Variants in FAM222B observed in about 807,000 individuals in gnomAD.
The protein encoded by FAM222B is protein FAM222B.
In FAM222B, 12 loss-of-function variants were observed where a neutral mutation model predicts 38.0. The ratio of observed to expected loss-of-function variants is 0.32; its 90% CI spans 0.20 to 0.51. The LOEUF is 0.51. FAM222B is among the 20% of genes least tolerant of loss of function. FAM222B has a pLI of 0.97. For synonymous variants in FAM222B, 329 were observed against 317.2 expected (o/e 1.04, Z -0.40); for missense variants, 716 against 754.2 (o/e 0.95, Z 0.59).
chr17:28,814,444 T>C (rs1225512049), intron 1 of FAM222B, among the ~76,000 whole-genome samples: 1 of 152,148 alleles, frequency 6.6e-6, no homozygotes, highest in Non-Finnish European at 1.5e-5. Context: ...AGGAGCTGTA[T>C]GACATGCCTG....
At chr17:28,791,408 A>G (rs142974700) in intron 1 of FAM222B, among the ~76,000 whole-genome samples, 1 of 151,818 alleles carries the variant, frequency 6.6e-6, no homozygotes, top group Non-Finnish European at 1.5e-5. Context: ...ATCAACTTCC[A>G]ATTTCTTCTC....
rs565281576 is a variant in FAM222B at position 28,776,442 on chromosome 17, C to A, written c.-40-9735G>T. ...TTCTCATCCATGAGCCAAAGGCTTA[C>A]CTAAAAAGACTTTTTTTTTTTTTTT... On this transcript the variant is annotated intron_variant, in intron 1 of 2. Transcript: ENST00000581407. Among the ~76,000 whole-genome samples, 191 of 145,936 alleles carry A rather than the reference C, an allele frequency of 1.3e-3. 1 individual carries two copies. The highest frequency in any genetic ancestry group is 4.7e-3 in the African/African-American group (187 of 39,610).
At chr17:28,811,343 G>C (rs945588647) in intron 1 of FAM222B, among the ~76,000 whole-genome samples, 5 of 152,208 alleles carry the variant, frequency 3.3e-5, no homozygotes, top group Non-Finnish European at 7.3e-5. Context: ...AGGAGGCTAA[G>C]ACAGGGGAAT....
At chr17:28,831,881 A>T (rs754903649) in intron 1 of FAM222B, among the ~76,000 whole-genome samples, 1 of 152,006 alleles carries the variant, frequency 6.6e-6, no homozygotes, top group Non-Finnish European at 1.5e-5. Flanking sequence ...AGCTTCCTAG[A>T]TTTACTTAAA....
rs751791753 is a variant in FAM222B, at chr17:28,758,433, C to T, written c.1526G>A (p.Ser509Asn). ...TAGGTAATCCACTGTTTGCATCAAG[C>T]TGTTCTGGCTTGCCACTGGACCGCC... Reference protein sequence around the residue: ...TGGGPVASQNSLMQTVDYLSG... With the variant: ...TGGGPVASQNNLMQTVDYLSG... Residue 509 changes from serine to asparagine, a missense_variant, in exon 3 of 3, where the codon AGC becomes AAC. Ser to Asn is a conservative substitution (Grantham distance 46). Transcript: ENST00000581407. 2 of 1,613,846 alleles carry T rather than the reference C, an allele frequency of 1.2e-6. No individual in the cohort carries two copies. Among genetic ancestry groups the T allele is most frequent in the Non-Finnish European group, 1.7e-6 (2 of 1,179,824 alleles).
At chr17:28,849,117 C>T (rs1400634241) in intron 1 of FAM222B, among the ~76,000 whole-genome samples, 5 of 151,856 alleles carry the variant, frequency 3.3e-5, no homozygotes, top group East Asian at 1.9e-4. Context: ...AAAAATTAGC[C>T]GGGCGTGGTG....
chr17:28,829,758 A>C (rs2152608229), intron 1 of FAM222B, among the ~76,000 whole-genome samples: 1 of 152,322 alleles, frequency 6.6e-6, no homozygotes, highest in East Asian at 1.9e-4. Flanking sequence ...TGGTGACTAT[A>C]AATAAAGCTG....
At chr17:28,784,030 C>G (rs2036282652) in intron 1 of FAM222B, among the ~76,000 whole-genome samples, 1 of 151,990 alleles carries the variant, frequency 6.6e-6, no homozygotes, top group African/African-American at 2.4e-5. Context: ...GAACTCTTAA[C>G]CTCAGGTGAT....
At chr17:28,833,415 G>A (rs915222322) in intron 1 of FAM222B, among the ~76,000 whole-genome samples, 34 of 151,336 alleles carry the variant, frequency 2.2e-4, no homozygotes, top group Admixed American at 2.6e-4. Flanking sequence ...TCAGGAGTTC[G>A]AGACTACCCT....
chr17:28,770,546 G>GT (rs2035575143), intron 1 of FAM222B, among the ~76,000 whole-genome samples: 1 of 151,394 alleles, frequency 6.6e-6, no homozygotes, highest in African/African-American at 2.4e-5. Flanking sequence ...GGGATTACAG[G>GT]TATGCACCAC....
At chr17:28,816,005 T>A (rs574916879) in intron 1 of FAM222B, among the ~76,000 whole-genome samples, 15 of 148,738 alleles carry the variant, frequency 1.0e-4, no homozygotes, top group Non-Finnish European at 2.1e-4. Flanking sequence ...GCATGGTAGC[T>A]GACGCCTGTA....
intron 1 of FAM222B, among the ~76,000 whole-genome samples, chr17:28,809,611 A>G (rs966370373): frequency 6.6e-6 from 1 of 152,132 alleles, no homozygotes; most frequent in African/African-American, 2.4e-5. Context: ...TCTCCTGGGA[A>G]AATTCTTTCA....
At chr17:28,782,860 G>A (rs1469709424) in intron 1 of FAM222B, among the ~76,000 whole-genome samples, 2 of 152,056 alleles carry the variant, frequency 1.3e-5, no homozygotes, top group South Asian at 2.1e-4. Flanking sequence ...AAACTCGGCC[G>A]GGCGCGGTGG....
intron 1 of FAM222B, among the ~76,000 whole-genome samples, chr17:28,773,897 C>T (rs752138302): frequency 4.6e-5 from 7 of 152,058 alleles, no homozygotes; most frequent in African/African-American, 1.4e-4. Context: ...GTTTCACTGA[C>T]GTCAAGAATC....
chr17:28,841,673 C>T (rs553221370), intron 1 of FAM222B, among the ~76,000 whole-genome samples: 1 of 152,332 alleles, frequency 6.6e-6, no homozygotes, highest in Admixed American at 6.5e-5. Context: ...TGCACCCGGC[C>T]TTTTCTCAAC....
chr17:28,758,009 T>G lies in FAM222B; in HGVS notation c.*261A>C, dbSNP rs1597825967. 1 of 367,642 alleles carries G rather than the reference T, an allele frequency of 2.7e-6. No individual in the cohort carries two copies. The highest frequency in any genetic ancestry group is 4.9e-6 in the Non-Finnish European group (1 of 203,750). The allele number at this position is 367,642 out of a possible 1,614,324, so 22.8% of individuals were successfully genotyped here. On this transcript the variant is annotated 3_prime_UTR_variant, in exon 3 of 3. Coordinates refer to ENST00000581407, the MANE Select transcript of FAM222B (RefSeq NM_001077498.3). ...GGGAGCTGGCTGGAAATGGCCAAGG[T>G]GGAGAGACTAGCTGACAGGCAGTCA...
At chr17:28,784,844 G>A (rs188788589) in intron 1 of FAM222B, among the ~76,000 whole-genome samples, 6 of 152,098 alleles carry the variant, frequency 3.9e-5, no homozygotes, top group East Asian at 1.9e-4. Context: ...TCAACCTCCC[G>A]GGCTCAAGTG....
At chr17:28,772,802 G>A (rs2035701030) in intron 1 of FAM222B, among the ~76,000 whole-genome samples, 1 of 152,134 alleles carries the variant, frequency 6.6e-6, no homozygotes, top group Non-Finnish European at 1.5e-5. Flanking sequence ...GGCTGAGGCA[G>A]AAGAATCGCT....
intron 1 of FAM222B, among the ~76,000 whole-genome samples, chr17:28,807,084 C>T (rs1489352482): frequency 6.6e-6 from 1 of 151,590 alleles, no homozygotes; most frequent in Non-Finnish European, 1.5e-5. Context: ...GGCACAATCT[C>T]GGCTCACTGC....
Sources: allele counts gnomAD v4.1 joint callset (sites outside exome capture counted in the v4.1 genomes callset), GRCh38; gene constraint gnomAD v4.1.1; transcripts MANE v1.5; gene names NCBI Gene and HGNC (gene_info 2026-07-23, HGNC 2026-07-21).